Variants in DOK6 observed in about 807,000 individuals in gnomAD.
DOK6 encodes the protein downstream of tyrosine kinase 6.
In DOK6, 22 loss-of-function variants were observed where a neutral mutation model predicts 44.0. The ratio of observed to expected loss-of-function variants is 0.50; its 90% confidence interval spans 0.36 to 0.71. The LOEUF (loss-of-function observed/expected upper bound fraction) is 0.71. DOK6 is among the 30% of genes least tolerant of loss of function. The pLI, the probability that DOK6 is intolerant of heterozygous loss-of-function variation, is 0.00. For missense variants in DOK6, 340 were observed against 416.4 expected, an observed-to-expected ratio of 0.82 and a Z score of 1.60; for synonymous variants, 166 against 145.5, an observed-to-expected ratio of 1.14 and a Z score of -1.01.
At chr18:69,508,549 G>A (rs1447524671) in intron 1 of DOK6, among the ~76,000 whole-genome samples, 3 of 152,298 alleles carry the variant, frequency 2.0e-5, no homozygotes, top group South Asian at 2.1e-4. Context: ...CAGTGGAGAT[G>A]TAAAGGTCAC....
chr18:69,778,281 G>C (rs1332198248), intron 7 of DOK6, among the ~76,000 whole-genome samples: 2 of 152,090 alleles, frequency 1.3e-5, no homozygotes, highest in Non-Finnish European at 2.9e-5. Flanking sequence ...GCTTAACTCA[G>C]GTCCTCCTAG....
At position 69,544,213 on chromosome 18, in the gene DOK6, G is replaced by A. The variant is rs144352137; in HGVS notation, c.67-20274G>A. ...GTAAAGGTTGCAGTGAGCTGAGATC[G>A]AGCCATTGCACTCCAGCCTGGGTGA... On this transcript the variant is annotated intron_variant, in intron 1 of 7. Coordinates refer to ENST00000382713, the MANE Select transcript of DOK6 (RefSeq NM_152721.6). Among the ~76,000 whole-genome samples, 373 of 151,270 alleles carry A rather than the reference G, an allele frequency of 2.5e-3. 4 individuals carry two copies. Among genetic ancestry groups the A allele is most frequent in the African/African-American group, 8.2e-3 (340 of 41,302 alleles).
At chr18:69,504,598 C>T (rs1349570296) in intron 1 of DOK6, among the ~76,000 whole-genome samples, 2 of 152,040 alleles carry the variant, frequency 1.3e-5, no homozygotes, top group East Asian at 3.8e-4. Context: ...GAGCAATATT[C>T]AAATATAAAA....
At chr18:69,760,613 T>C (rs1006602330) in intron 7 of DOK6, among the ~76,000 whole-genome samples, 1 of 152,062 alleles carries the variant, frequency 6.6e-6, no homozygotes, top group Non-Finnish European at 1.5e-5. Context: ...TACTTCGGGT[T>C]GGCTTACTTC....
At chr18:69,436,344 G>A (rs1211677018) in intron 1 of DOK6, among the ~76,000 whole-genome samples, 9 of 151,768 alleles carry the variant, frequency 5.9e-5, no homozygotes, top group African/African-American at 1.9e-4. Context: ...ACAGGCCCCA[G>A]TGTATTATGT....
chr18:69,667,578 A>G (rs938412193), intron 3 of DOK6, among the ~76,000 whole-genome samples: 2 of 152,156 alleles, frequency 1.3e-5, no homozygotes, highest in Non-Finnish European at 2.9e-5. Flanking sequence ...CTTACAATCA[A>G]TTTTTGGACT....
intron 2 of DOK6, among the ~76,000 whole-genome samples, chr18:69,576,074 G>C (rs147868660): frequency 2.6e-5 from 4 of 152,124 alleles, no homozygotes; most frequent in Admixed American, 2.6e-4. Flanking sequence ...TTCTTCAGAA[G>C]TGTACATTGG....
At chr18:69,718,998 T>C (rs1986944262) in intron 5 of DOK6, among the ~76,000 whole-genome samples, 1 of 152,202 alleles carries the variant, frequency 6.6e-6, no homozygotes, top group South Asian at 2.1e-4. Flanking sequence ...TCTATGATCT[T>C]AGAAGAAGAA....
chr18:69,663,108 A>G (rs182611844), intron 3 of DOK6: 15 of 152,320 alleles, frequency 9.8e-5, no homozygotes, highest in Admixed American at 5.9e-4. Flanking sequence ...CAATGTGTCA[A>G]CCTTAGGGAT....
At chr18:69,487,443 G>A (rs1184893546) in intron 1 of DOK6, among the ~76,000 whole-genome samples, 1 of 152,166 alleles carries the variant, frequency 6.6e-6, no homozygotes, top group African/African-American at 2.4e-5. Flanking sequence ...CCCCCAGTGT[G>A]TGAGGAGCTG....
At chr18:69,598,191 T>C (rs1983791129) in intron 2 of DOK6, among the ~76,000 whole-genome samples, 1 of 151,800 alleles carries the variant, frequency 6.6e-6, no homozygotes, top group Non-Finnish European at 1.5e-5. Flanking sequence ...ATTATTTCCT[T>C]AGGAAAATAG....
chr18:69,556,633 T>C (rs1982694574), intron 1 of DOK6, among the ~76,000 whole-genome samples: 1 of 152,226 alleles, frequency 6.6e-6, no homozygotes, highest in Admixed American at 6.5e-5. Flanking sequence ...TAAATTCTTT[T>C]TTATTACTCT....
At chr18:69,617,545 G>GAAAGAGAGAGAGACAGAGA (rs1599224438) in intron 3 of DOK6, among the ~76,000 whole-genome samples, 1 of 136,652 alleles carries the variant, frequency 7.3e-6, no homozygotes, top group East Asian at 2.1e-4. Context: ...AGAAAAGAAA[G>GAAAGAGAGAGAGACAGAGA]GAAAAGACTG....
intron 4 of DOK6, among the ~76,000 whole-genome samples, chr18:69,681,303 C>T (rs1471104568): frequency 6.6e-6 from 1 of 152,168 alleles, no homozygotes; most frequent in Non-Finnish European, 1.5e-5. Context: ...TTCAAAAATG[C>T]TACTTCTCTT....
intron 3 of DOK6, among the ~76,000 whole-genome samples, chr18:69,605,373 G>T (rs540989497): frequency 6.6e-6 from 1 of 152,064 alleles, no homozygotes; most frequent in African/African-American, 2.4e-5. Context: ...CTCAGCACAT[G>T]CTCTTAACAA....
At chr18:69,839,157 C>T (rs1203759701) in intron 7 of DOK6, among the ~76,000 whole-genome samples, 1 of 149,472 alleles carries the variant, frequency 6.7e-6, no homozygotes, top group African/African-American at 2.5e-5. Context: ...AGCTCTTCCC[C>T]ACTCTCCCTA....
intron 1 of DOK6, among the ~76,000 whole-genome samples, chr18:69,464,344 T>C (rs1979869305): frequency 6.6e-6 from 1 of 152,220 alleles, no homozygotes; most frequent in Non-Finnish European, 1.5e-5. Context: ...TGGGTATGTT[T>C]GTTTTTCTGT....
intron 1 of DOK6, among the ~76,000 whole-genome samples, chr18:69,435,050 GGAAGGAAGGA>G (rs1978933306): frequency 6.9e-6 from 1 of 145,840 alleles, no homozygotes; most frequent in Non-Finnish European, 1.5e-5. Flanking sequence ...AAGGAAGGAA[GGAAGGAAGGA>G]AGGAAGGAAG....
intron 1 of DOK6, among the ~76,000 whole-genome samples, chr18:69,408,439 C>CA (rs35285941): frequency 0.08 from 11,116 of 138,766 alleles, 1,286 homozygotes; most frequent in African/African-American, 0.26. Flanking sequence ...CCTCTCCTTT[C>CA]AAAAAAAAAA....
Sources: allele counts gnomAD v4.1 joint callset (sites outside exome capture counted in the v4.1 genomes callset), GRCh38; gene constraint gnomAD v4.1.1; transcripts MANE v1.5; gene names NCBI Gene and HGNC (gene_info 2026-07-23, HGNC 2026-07-21).